ALMS1: variants seen among roughly 807,000 people sequenced by gnomAD.
The protein encoded by ALMS1 is ALMS1 centrosome and basal body associated protein, also known as centrosome-associated protein ALMS1.
In ALMS1, 271 loss-of-function variants were observed where a neutral mutation model predicts 352.2. The observed-to-expected ratio is 0.77, with a 90% CI of 0.70 to 0.85. The LOEUF (loss-of-function observed/expected upper bound fraction) is 0.85. ALMS1 is among the 40% of genes least tolerant of loss of function. The pLI, the probability that ALMS1 is intolerant of heterozygous loss-of-function variation, is 0.00. For missense variants in ALMS1, 5,445 were observed against 4,870.7 expected (o/e 1.12, Z -3.51); for synonymous variants, 1,865 against 1,761.2 (o/e 1.06, Z -1.48).
At chr2:73,529,861 G>A (rs771901920) in intron 11 of ALMS1, among the ~76,000 whole-genome samples, 3 of 152,090 alleles carry the variant, frequency 2.0e-5, no homozygotes, top group Admixed American at 1.3e-4. Flanking sequence ...CTTACATGGG[G>A]GCAGGAGAGA....
intron 13 of ALMS1, among the ~76,000 whole-genome samples, chr2:73,553,726 C>T (rs1674486845): frequency 6.6e-6 from 1 of 152,052 alleles, no homozygotes; most frequent in South Asian, 2.1e-4. Flanking sequence ...ATTTATGTGA[C>T]ATATAAACAC....
intron 13 of ALMS1, 136 bp downstream of exon 13, chr2:73,550,573 C>A: frequency 9.4e-7 from 1 of 1,062,034 alleles, no homozygotes; most frequent in Non-Finnish European, 1.3e-6. Flanking sequence ...TGAGCATATA[C>A]AAGAAGGCAA....
chr2:73,483,577 T>G (rs1191654719), intron 9 of ALMS1, among the ~76,000 whole-genome samples: 1 of 151,834 alleles, frequency 6.6e-6, no homozygotes, highest in African/African-American at 2.4e-5. Flanking sequence ...GTTCTGTAGA[T>G]GTCTATTAGG....
chr2:73,596,377 T>C (rs1675547669), intron 16 of ALMS1, among the ~76,000 whole-genome samples: 1 of 152,212 alleles, frequency 6.6e-6, no homozygotes, highest in East Asian at 1.9e-4. Flanking sequence ...TTTCTCCAAT[T>C]AGTTGCTTTG....
chr2:73,482,114 G>T (rs1267421885), intron 9 of ALMS1, among the ~76,000 whole-genome samples: 1 of 152,164 alleles, frequency 6.6e-6, no homozygotes, highest in Non-Finnish European at 1.5e-5. Flanking sequence ...CCAACACCAT[G>T]TTGAATAGGA....
rs111770942 is a variant in ALMS1 at position 73,498,511 on chromosome 2, TTG to T, written c.9539+7032_9539+7033del. On this transcript the variant is annotated intron_variant, in intron 10 of 22. Transcript: ENST00000613296. ...GTAGGTCTTATTCATTCTTTCTATT[TTG>T]TGTGTGTGTGTGTGTGTGCCCATTA... Among the ~76,000 whole-genome samples the T allele has an allele frequency of 9.3e-5, 14 of 150,230 alleles. No homozygotes were observed. The South Asian group carries it at 1.1e-3, about 11-fold the overall frequency.
intron 10 of ALMS1, among the ~76,000 whole-genome samples, chr2:73,508,451 C>T (rs904432398): frequency 3.9e-5 from 6 of 151,944 alleles, no homozygotes; most frequent in East Asian, 1.9e-4. Context: ...GTGATCCACC[C>T]GCCTCGGCCT....
intron 17 of ALMS1, among the ~76,000 whole-genome samples, chr2:73,600,239 A>C (rs928084775): frequency 2.0e-5 from 3 of 152,186 alleles, no homozygotes; most frequent in African/African-American, 7.2e-5. Context: ...ATTTTTAGCT[A>C]TTGCCTTTCT....
chr2:73,562,731 T>C (rs574900310), intron 15 of ALMS1, among the ~76,000 whole-genome samples: 6 of 151,768 alleles, frequency 4.0e-5, no homozygotes, highest in Non-Finnish European at 7.4e-5. Context: ...CTATTAAAAA[T>C]ACAAAATTAG....
At chr2:73,582,885 C>T (rs1675215891) in intron 16 of ALMS1, among the ~76,000 whole-genome samples, 1 of 152,150 alleles carries the variant, frequency 6.6e-6, no homozygotes, top group Non-Finnish European at 1.5e-5. Context: ...CTTTGGGATA[C>T]ATACCCAGAA....
intron 7 of ALMS1, among the ~76,000 whole-genome samples, chr2:73,440,995 G>A (rs923471089): frequency 2.0e-5 from 3 of 152,132 alleles, no homozygotes; most frequent in Non-Finnish European, 4.4e-5. Flanking sequence ...GTCCCTGTTG[G>A]TGATGCTTAT....
chr2:73,602,836 C>T (rs1411388684), intron 20 of ALMS1, among the ~76,000 whole-genome samples: 1 of 152,140 alleles, frequency 6.6e-6, no homozygotes, highest in Non-Finnish European at 1.5e-5. Context: ...GATTAAGTAC[C>T]TCTCCCAAGA....
intron 15 of ALMS1, among the ~76,000 whole-genome samples, chr2:73,563,451 G>T (rs1047133617): frequency 1.3e-5 from 2 of 152,022 alleles, no homozygotes; most frequent in Non-Finnish European, 2.9e-5. Flanking sequence ...GGCAGGGTGC[G>T]GTGGCTCACG....
At chr2:73,421,439 G>A (rs940312864) in intron 3 of ALMS1, among the ~76,000 whole-genome samples, 85 of 152,138 alleles carry the variant, frequency 5.6e-4, no homozygotes, top group Non-Finnish European at 1.0e-3. Context: ...AGTTTTAGAG[G>A]GGTGAAGGAC....
chr2:73,419,881 G>A (rs1353708153), intron 3 of ALMS1, among the ~76,000 whole-genome samples: 1 of 152,070 alleles, frequency 6.6e-6, no homozygotes, highest in African/African-American at 2.4e-5. Flanking sequence ...AATCATTAAG[G>A]GATTCAATTA....
chr2:73,507,244 TTTG>T (rs1673346896), intron 10 of ALMS1, among the ~76,000 whole-genome samples: 1 of 152,186 alleles, frequency 6.6e-6, no homozygotes. Context: ...AATTTTCTTT[TTTG>T]TTGTGTCTCT....
At chr2:73,551,992 T>A (rs554578421) in intron 13 of ALMS1, among the ~76,000 whole-genome samples, 1 of 152,228 alleles carries the variant, frequency 6.6e-6, no homozygotes, top group South Asian at 2.1e-4. Context: ...TTAATGACTT[T>A]GTGTGATAGC....
rs200155429 is a variant in ALMS1 at position 73,455,260 on chromosome 2, T to G, written c.7639T>G (p.Leu2547Val). ...RRKVEEIKAELFGHGRTTDLS... is the reference protein window; with the variant it reads ...RRKVEEIKAEVFGHGRTTDLS... ...GAAAGTAGAAGAGATCAAGGCAGAG[T>G]TATTTGGTCATGGAAGAACAACTGA... Residue 2547 changes from leucine to valine, a missense_variant, in exon 9 of 23, where the codon TTA (leucine) becomes GTA (valine). Coordinates refer to ENST00000613296, the MANE Select transcript of ALMS1 (RefSeq NM_001378454.1). The G allele has an allele frequency of 2.5e-6, 4 of 1,613,998 alleles. No individual in the cohort carries two copies. Among genetic ancestry groups the G allele is most frequent in the African/African-American group, 2.7e-5 (2 of 75,000 alleles).
At chr2:73,561,716 TTAA>T (rs1171674036) in intron 15 of ALMS1, among the ~76,000 whole-genome samples, 2 of 147,286 alleles carry the variant, frequency 1.4e-5, no homozygotes, top group African/African-American at 5.4e-5. Context: ...GGTGGTTAAT[TTAA>T]TGTCATACTA....
Sources: gnomAD v4.1 joint callset for allele counts (sites outside exome capture counted in the v4.1 genomes callset) on GRCh38, gnomAD v4.1.1 for gene constraint, MANE v1.5 for transcripts, NCBI Gene and HGNC (gene_info 2026-07-23, HGNC 2026-07-21) for gene names.